Variants in SP140 observed in about 807,000 individuals in gnomAD.
SP140 encodes the protein nuclear body protein SP140.
A neutral mutation model predicts 125.0 loss-of-function variants in SP140; 81 were observed. That is an observed-to-expected ratio of 0.65 (90% CI 0.54 to 0.78). SP140 has a LOEUF of 0.78. Ranked by LOEUF, SP140 falls within the 30% of genes least tolerant of loss-of-function variation. SP140 has a pLI of 0.00. For synonymous variants in SP140, 312 were observed against 354.0 expected (o/e 0.88, Z 1.33); for missense variants, 858 against 1,037.0 (o/e 0.83, Z 2.37).
intron 12 of SP140, 44 bp from the exon 13 acceptor site, chr2:230,269,488 T>C (rs2053609024): frequency 8.2e-7 from 1 of 1,224,122 alleles, no homozygotes; most frequent in African/African-American, 1.5e-5. Flanking sequence ...TCTGTGGTCA[T>C]TGTCTCAGGA....
intron 3 of SP140, among the ~76,000 whole-genome samples, chr2:230,215,494 T>C (rs756805052): frequency 6.6e-6 from 1 of 152,202 alleles, no homozygotes; most frequent in African/African-American, 2.4e-5. Flanking sequence ...ATGGTTCTAG[T>C]GATGGTCACA....
Position 230,310,781 on chromosome 2 carries a change from C to T in SP140, c.2213C>T (p.Ser738Phe), listed in dbSNP as rs2059267904. The change falls in exon 24 of 27, where the codon TCT becomes TTT. Residue 738 changes from serine to phenylalanine, a missense_variant. Physicochemically the swap from Ser to Phe is radical, Grantham distance 155. Transcript: ENST00000392045. ...TGCATCTTCTGCAGGATGAAGGAGT[C>T]TCCGGGAAGCCAACAGTGTTGTCAG... is the stretch of plus-strand genomic sequence containing the variant. ...WNCIFCRMKESPGSQQCCQES... is the reference protein window; with the variant it reads ...WNCIFCRMKEFPGSQQCCQES... 4.6e-6 allele frequency: 7 copies of T among 1,528,368 alleles called. No individual in the cohort carries two copies. The highest frequency in any genetic ancestry group is 6.2e-6 in the Non-Finnish European group (7 of 1,124,326). The allele number at this position is 1,528,368 out of a possible 1,614,324, so 94.7% of individuals were successfully genotyped here.
intron 1 of SP140, among the ~76,000 whole-genome samples, chr2:230,229,539 C>T (rs541976686): frequency 7.6e-6 from 1 of 132,046 alleles, no homozygotes; most frequent in South Asian, 2.5e-4. Flanking sequence ...GCAATCTCGG[C>T]TCTCTGCACA....
intron 1 of SP140, chr2:230,212,254 C>T (rs546249240): frequency 2.1e-5 from 20 of 933,492 alleles, no homozygotes; most frequent in Admixed American, 5.5e-5. Context: ...TTCTTTTTCC[C>T]AGGGTTCCCA....
intron 3 of SP140, chr2:230,238,660 T>G: frequency 2.0e-6 from 2 of 995,410 alleles, no homozygotes; most frequent in Non-Finnish European, 3.0e-6. Flanking sequence ...TCTCTATTTT[T>G]TTGAAGGAAT....
chr2:230,289,984 A>G (rs2149475938), intron 18 of SP140, among the ~76,000 whole-genome samples: 1 of 152,266 alleles, frequency 6.6e-6, no homozygotes, highest in African/African-American at 2.4e-5. Context: ...GAGAGAACAA[A>G]AATAGAAGGC....
At position 230,270,566 on chromosome 2, in the gene SP140, C is replaced by T. The variant is rs201627018; in HGVS notation, c.1445-20C>T. ...TATTTATTAATTTCTGTTTCCTCACCACCACTTGTTATTTTCCAGATACTG... is the reference window on the plus strand; with the variant it reads ...TATTTATTAATTTCTGTTTCCTCACTACCACTTGTTATTTTCCAGATACTG... On this transcript the variant is annotated intron_variant, in intron 14 of 26. Coordinates refer to ENST00000392045, the MANE Select transcript of SP140 (RefSeq NM_007237.5). 76 of 1,600,840 alleles carry T rather than the reference C, an allele frequency of 4.7e-5. No homozygotes were observed. In the Admixed American group the frequency reaches 8.7e-4, roughly 18 times the overall value.
At chr2:230,244,847 G>A in intron 5 of SP140, 141 bp from the exon 6 acceptor site, 1 of 579,670 alleles carries the variant, frequency 1.7e-6, no homozygotes, top group Non-Finnish European at 3.1e-6. Context: ...GGCAGAGCAA[G>A]GCTGTGGCGG....
At position 230,277,088 on chromosome 2, in the gene SP140, T is replaced by C. The variant is rs142992774; in HGVS notation, c.1498+6449T>C. Among the ~76,000 whole-genome samples the C allele has an allele frequency of 1.6e-4, 25 of 152,288 alleles. 1 individual carries two copies. Among genetic ancestry groups the C allele is most frequent in the African/African-American group, 5.3e-4 (22 of 41,566 alleles). ...TGACAACAAAGGATTTAGAATATAT[T>C]AGTTGATAAAGCAGCAGCAAGATTT... On this transcript the variant is annotated intron_variant, in intron 15 of 26. Coordinates refer to ENST00000392045, the MANE Select transcript of SP140 (RefSeq NM_007237.5).
chr2:230,213,467 T>C (rs1033327912), intron 1 of SP140, among the ~76,000 whole-genome samples: 3 of 152,154 alleles, frequency 2.0e-5, no homozygotes, highest in African/African-American at 7.2e-5. Flanking sequence ...ATTAGGACAT[T>C]TATATTCTGG....
At chr2:230,230,251 G>A (rs1455105582) in intron 1 of SP140, among the ~76,000 whole-genome samples, 1 of 152,210 alleles carries the variant, frequency 6.6e-6, no homozygotes, top group African/African-American at 2.4e-5. Flanking sequence ...ATCACAGGGG[G>A]TTGAAGCTGT....
upstream of SP140, chr2:230,202,924 C>G: frequency 3.3e-6 from 2 of 612,074 alleles, no homozygotes; most frequent in Admixed American, 5.5e-5. Flanking sequence ...TTTGCCTCCC[C>G]AAATTACCAT....
At chr2:230,258,139 G>T (rs1035332842) in intron 12 of SP140, among the ~76,000 whole-genome samples, 1 of 152,090 alleles carries the variant, frequency 6.6e-6, no homozygotes, top group Non-Finnish European at 1.5e-5. Flanking sequence ...TAGAAGTGTA[G>T]CAACTTTCAA....
At chr2:230,188,480 C>A in the SP140 span, among the ~76,000 whole-genome samples, 482 of 152,132 alleles carry the variant, frequency 3.2e-3, 6 homozygotes, top group African/African-American at 0.011. Flanking sequence ...TCATTTATTT[C>A]TTTCTCTTTT....
intron 1 of SP140, chr2:230,203,333 T>C (rs2043375245): frequency 6.2e-6 from 1 of 160,296 alleles, no homozygotes; most frequent in African/African-American, 2.4e-5. Context: ...CTGTTGACTT[T>C]AGAAGCTGAT....
chr2:230,233,850 C>T (rs1395762438), intron 1 of SP140, among the ~76,000 whole-genome samples: 1 of 152,166 alleles, frequency 6.6e-6, no homozygotes, highest in Non-Finnish European at 1.5e-5. Context: ...CATTTAGCCT[C>T]TGAAAAATTT....
At chr2:230,203,759 G>C (rs2043442594) in intron 1 of SP140, 2 of 152,060 alleles carry the variant, frequency 1.3e-5, no homozygotes, top group Non-Finnish European at 2.9e-5. Flanking sequence ...CTTTTTATGT[G>C]TTTTGTTTTG....
In SP140 at chr2:230,255,477, G is replaced by A. The variant is rs200416615; in HGVS notation, c.1185G>A (p.Met395Ile). The A allele has an allele frequency of 1.5e-4, 249 of 1,614,004 alleles. 1 individual carries two copies. In the African/African-American group the frequency reaches 2.9e-3, roughly 19 times the overall value. The change falls in exon 12 of 27, where the codon ATG becomes ATA. Residue 395 changes from methionine (M) to isoleucine (I), a missense_variant. Met to Ile is a conservative substitution (Grantham distance 10). Coordinates refer to ENST00000392045, the MANE Select transcript of SP140 (RefSeq NM_007237.5). ...GEEGSDDCSE[M>I]CDGEERQEAS... ...AGGGCAGTGATGACTGTTCGGAAAT[G>A]TGTGATGGAGAAGAGCGCCAGGAAG...
chr2:230,267,844 T>G (rs73104290), intron 12 of SP140, among the ~76,000 whole-genome samples: 2,511 of 152,298 alleles, frequency 0.016, 94 homozygotes, highest in African/African-American at 0.058. Flanking sequence ...AACAAAATGA[T>G]TTTCTTTCAC....
Sources: gnomAD v4.1 joint callset for allele counts (sites outside exome capture counted in the v4.1 genomes callset) on GRCh38, gnomAD v4.1.1 for gene constraint, MANE v1.5 for transcripts, NCBI Gene and HGNC (gene_info 2026-07-23, HGNC 2026-07-21) for gene names.